Variants in PAPPA observed in about 807,000 individuals in gnomAD.
PAPPA encodes the protein pappalysin-1.
Under a neutral mutation model 164.0 loss-of-function variants are expected in PAPPA, and 60 were observed. The observed-to-expected ratio is 0.37, with a 90% CI of 0.30 to 0.45. The LOEUF (loss-of-function observed/expected upper bound fraction) is 0.45, where lower values mean the gene tolerates loss of function less well. PAPPA is among the 20% of genes least tolerant of loss of function. PAPPA has a pLI of 1.00. For synonymous variants in PAPPA, 875 were observed against 814.1 expected (o/e 1.07, Z -1.27); for missense variants, 1,782 against 2,087.3 (o/e 0.85, Z 2.85).
chr9:116,216,249 A>T (rs535906685), intron 4 of PAPPA, among the ~76,000 whole-genome samples: 4 of 152,208 alleles, frequency 2.6e-5, no homozygotes, highest in Admixed American at 6.5e-5. Context: ...GACAGCTAAC[A>T]TCTTATTCCT....
intron 9 of PAPPA, among the ~76,000 whole-genome samples, chr9:116,300,202 G>A (rs1587993555): frequency 6.6e-6 from 1 of 152,012 alleles, no homozygotes; most frequent in South Asian, 2.1e-4. Flanking sequence ...CACTTATAAT[G>A]AATTGATTTA....
At position 116,400,777 on chromosome 9, in the gene PAPPA, G is replaced by C. The variant is rs1453073436; in HGVS notation, c.*4161G>C. 1 of 152,452 alleles carries C rather than the reference G, an allele frequency of 6.6e-6. No individual in the cohort carries two copies. The highest frequency in any genetic ancestry group is 1.5e-5 in the Non-Finnish European group (1 of 68,028). The allele number at this position is 152,452 out of a possible 1,614,324, so 9.4% of individuals were successfully genotyped here. Reference sequence around the variant, plus strand: ...CCTACCAATCACTTGCTTTTTAAAAGAAATGTATAATAGCCAAAAGAGAAA... The same window carrying C: ...CCTACCAATCACTTGCTTTTTAAAACAAATGTATAATAGCCAAAAGAGAAA... On this transcript the variant is annotated 3_prime_UTR_variant, in exon 22 of 22. Coordinates refer to ENST00000328252, the MANE Select transcript of PAPPA (RefSeq NM_002581.5).
At chr9:116,155,476 TG>T (rs1403618628) in intron 1 of PAPPA, among the ~76,000 whole-genome samples, 4 of 151,836 alleles carry the variant, frequency 2.6e-5, no homozygotes, top group East Asian at 1.9e-4. Flanking sequence ...GGAGCGGAGG[TG>T]GGGGCGGCGC....
chr9:116,196,242 C>T (rs528592421), intron 2 of PAPPA, among the ~76,000 whole-genome samples: 12 of 152,318 alleles, frequency 7.9e-5, no homozygotes, highest in African/African-American at 2.9e-4. Flanking sequence ...TTCTTTCATC[C>T]CTTTCCCAAA....
chr9:116,215,198 A>G (rs973753719), intron 4 of PAPPA, among the ~76,000 whole-genome samples: 1 of 152,094 alleles, frequency 6.6e-6, no homozygotes, highest in Non-Finnish European at 1.5e-5. Context: ...ACCCAAGTTG[A>G]ATGTTCGGTG....
intron 9 of PAPPA, among the ~76,000 whole-genome samples, chr9:116,300,401 A>T (rs1172615126): frequency 6.6e-6 from 1 of 151,842 alleles, no homozygotes; most frequent in Non-Finnish European, 1.5e-5. Flanking sequence ...CCTCAGCCTC[A>T]TGAGTAGCTG....
At chr9:116,234,460 A>G (rs777695734) in intron 6 of PAPPA, among the ~76,000 whole-genome samples, 1 of 151,986 alleles carries the variant, frequency 6.6e-6, no homozygotes, top group South Asian at 2.1e-4. Context: ...ATGGTTCTAG[A>G]CAGTTTCCTC....
At chr9:116,384,651 T>C (rs1374181312) in intron 21 of PAPPA, among the ~76,000 whole-genome samples, 7 of 152,220 alleles carry the variant, frequency 4.6e-5, no homozygotes, top group Non-Finnish European at 1.0e-4. Context: ...GCACATAAAA[T>C]ACTTTTATAG....
At chr9:116,343,927 A>G (rs1186525512) in intron 13 of PAPPA, among the ~76,000 whole-genome samples, 2 of 151,696 alleles carry the variant, frequency 1.3e-5, no homozygotes, top group Non-Finnish European at 2.9e-5. Context: ...CGCCCAGCTA[A>G]TTTTTTGTAT....
chr9:116,311,368 C>T (rs563666715), intron 10 of PAPPA, among the ~76,000 whole-genome samples: 7 of 151,964 alleles, frequency 4.6e-5, no homozygotes, highest in Admixed American at 2.0e-4. Flanking sequence ...TAGCTTCTTT[C>T]GATAAGAAAA....
At chr9:116,383,528 G>GA (rs1371137632) in intron 21 of PAPPA, among the ~76,000 whole-genome samples, 1 of 126,864 alleles carries the variant, frequency 7.9e-6, no homozygotes, top group Non-Finnish European at 1.8e-5. Flanking sequence ...GTGACAAAGT[G>GA]AATGATAGAA....
chr9:116,160,382 T>C (rs1349672024), intron 1 of PAPPA, among the ~76,000 whole-genome samples: 2 of 152,202 alleles, frequency 1.3e-5, no homozygotes, highest in African/African-American at 4.8e-5. Context: ...TGATGTCAAA[T>C]GAATCTCTCG....
Position 116,271,286 on chromosome 9 carries a change from A to C in PAPPA, c.2862-39A>C. 4 of 1,468,546 alleles carry C rather than the reference A, an allele frequency of 2.7e-6. No homozygotes were observed. Among genetic ancestry groups the C allele is most frequent in the African/African-American group, 1.4e-5 (1 of 72,156 alleles). 91.0% of individuals were successfully genotyped at this position (1,468,546 alleles called of 1,614,324 possible). A position where few individuals can be genotyped will look rare whatever the true frequency, so the allele number is the denominator to read the frequency against. On this transcript the variant is annotated intron_variant, in intron 8 of 21. Transcript: ENST00000328252. This position sits in a 1 kb window ranked among gnomAD's most constrained non-coding sequence, Gnocchi z 4.2. ...TTCCATGTCCAGCCATGGTTTTAAG[A>C]CTAAATTGGCAAATTTCTCTTCCAT...
intron 17 of PAPPA, among the ~76,000 whole-genome samples, chr9:116,355,539 C>T (rs950672312): frequency 6.6e-6 from 1 of 152,158 alleles, no homozygotes; most frequent in Admixed American, 6.5e-5. Context: ...GAAGCCAGTA[C>T]CGGAACAAAC....
chr9:116,325,804 A>T (rs1588004858), intron 10 of PAPPA, among the ~76,000 whole-genome samples: 1 of 152,308 alleles, frequency 6.6e-6, no homozygotes, highest in East Asian at 1.9e-4. Context: ...AAAAAATAGG[A>T]TCAATAAGGT....
At chr9:116,280,235 A>C (rs893266755) in intron 9 of PAPPA, among the ~76,000 whole-genome samples, 1 of 152,220 alleles carries the variant, frequency 6.6e-6, no homozygotes, top group African/African-American at 2.4e-5. Context: ...AAGGAAGGCC[A>C]GGGAGGTTAG....
intron 7 of PAPPA, among the ~76,000 whole-genome samples, chr9:116,252,240 T>C (rs186320502): frequency 9.2e-4 from 140 of 152,318 alleles, no homozygotes; most frequent in Non-Finnish European, 5.4e-4. Context: ...AGGAAAAGAA[T>C]GAGTTTTGCA....
chr9:116,167,456 T>C (rs919495392), intron 1 of PAPPA, among the ~76,000 whole-genome samples: 34 of 152,208 alleles, frequency 2.2e-4, no homozygotes, highest in African/African-American at 5.8e-4. Context: ...AGGCTACAGA[T>C]AAGGAGGACC....
At chr9:116,212,267 G>C (rs1199143072) in intron 4 of PAPPA, among the ~76,000 whole-genome samples, 1 of 152,100 alleles carries the variant, frequency 6.6e-6, no homozygotes. Context: ...AGAACAATGA[G>C]AGTGCTTTGG....
Sources: gnomAD v4.1 joint callset for allele counts (sites outside exome capture counted in the v4.1 genomes callset) on GRCh38, gnomAD v4.1.1 for gene constraint, Gnocchi (gnomAD v3.1) non-coding constraint, MANE v1.5 for transcripts, NCBI Gene and HGNC (gene_info 2026-07-23, HGNC 2026-07-21) for gene names.